OTUD7A: variants seen among roughly 807,000 people sequenced by gnomAD.
The protein encoded by OTUD7A is OTU domain-containing protein 7A.
In OTUD7A, 12 loss-of-function variants were observed where a neutral mutation model predicts 65.7. The observed-to-expected ratio is 0.18, with a 90% confidence interval of 0.12 to 0.30. OTUD7A has a LOEUF of 0.30. Among genes scored for constraint, OTUD7A ranks in the 10% least tolerant of loss-of-function variants. The probability of loss-of-function intolerance (pLI) is 1.00; values close to 1 mark genes in which losing one functional copy is unlikely to be tolerated. For synonymous variants in OTUD7A, 641 were observed against 586.3 expected, an observed-to-expected ratio of 1.09 and a Z score of -1.35; for missense variants, 1,148 against 1,304.8, an observed-to-expected ratio of 0.88 and a Z score of 1.85.
At chr15:31,853,365 A>C (rs549515593) in intron 1 of OTUD7A, among the ~76,000 whole-genome samples, 1 of 152,356 alleles carries the variant, frequency 6.6e-6, no homozygotes, top group South Asian at 2.1e-4. Flanking sequence ...TGAAAAAGGA[A>C]AGGGAGAGAG....
chr15:31,533,234 A>ATTT (rs71110888), intron 5 of OTUD7A, among the ~76,000 whole-genome samples: 6 of 135,856 alleles, frequency 4.4e-5, no homozygotes, highest in Non-Finnish European at 7.9e-5. Flanking sequence ...AGCAGGATAA[A>ATTT]TTTTTTTTTT....
chr15:31,645,198 G>C (rs1239745074), intron 3 of OTUD7A, among the ~76,000 whole-genome samples: 1 of 152,220 alleles, frequency 6.6e-6, no homozygotes, highest in African/African-American at 2.4e-5. Flanking sequence ...AAGGCAGTGA[G>C]CTGGGCAATT....
chr15:31,787,987 T>G (rs1567023054), intron 1 of OTUD7A, among the ~76,000 whole-genome samples: 2 of 152,230 alleles, frequency 1.3e-5, no homozygotes. Flanking sequence ...AATTATCTTG[T>G]AGTTGGCCAC....
At chr15:31,643,030 T>C (rs981980321) in intron 3 of OTUD7A, among the ~76,000 whole-genome samples, 11 of 152,322 alleles carry the variant, frequency 7.2e-5, no homozygotes, top group East Asian at 3.9e-4. Flanking sequence ...CATTTTCTTA[T>C]AGGTACTGTT....
At chr15:31,555,517 CTG>C (rs2141152881) in intron 5 of OTUD7A, among the ~76,000 whole-genome samples, 1 of 152,318 alleles carries the variant, frequency 6.6e-6, no homozygotes, top group South Asian at 2.1e-4. Context: ...GAAAAGTGGA[CTG>C]TGACAGTGGG....
intron 5 of OTUD7A, among the ~76,000 whole-genome samples, chr15:31,547,988 C>T (rs1888186883): frequency 6.6e-6 from 1 of 152,230 alleles, no homozygotes; most frequent in South Asian, 2.1e-4. Flanking sequence ...CTCAGCTGTG[C>T]TGGAACTGCC....
In OTUD7A at chr15:31,535,758, C is replaced by G. The variant is rs926176685; in HGVS notation, c.551-4950G>C. On this transcript the variant is annotated intron_variant, in intron 5 of 12. Transcript: ENST00000307050. ...GTGGCGCGATCTTGGCTCACTGCAA[C>G]CTCCACCTCCTGGGTTCATGCCATT... 2.7e-5 allele frequency among the ~76,000 whole-genome samples: 4 copies of G among 150,332 alleles called. 1 individual carries two copies. The South Asian group carries it at 8.5e-4, about 32-fold the overall frequency.
At chr15:31,847,698 A>T (rs1897322598) in intron 1 of OTUD7A, among the ~76,000 whole-genome samples, 1 of 152,200 alleles carries the variant, frequency 6.6e-6, no homozygotes, top group African/African-American at 2.4e-5. Flanking sequence ...TAGTCCATTC[A>T]CGCACTGGTA....
chr15:31,663,498 T>C (rs181491600), intron 1 of OTUD7A, among the ~76,000 whole-genome samples: 130 of 141,860 alleles, frequency 9.2e-4, no homozygotes, highest in African/African-American at 3.3e-3. Flanking sequence ...TGTGTTCTCA[T>C]TGTTCAGCTC....
intron 1 of OTUD7A, among the ~76,000 whole-genome samples, chr15:31,765,186 G>A (rs955267139): frequency 7.9e-5 from 12 of 151,582 alleles, no homozygotes; most frequent in African/African-American, 2.9e-4. Flanking sequence ...TAATATTTAA[G>A]GCAAAACCAA....
At chr15:31,776,940 TATA>T (rs1259188475) in intron 1 of OTUD7A, among the ~76,000 whole-genome samples, 2 of 151,410 alleles carry the variant, frequency 1.3e-5, no homozygotes, top group African/African-American at 2.4e-5. Context: ...AAACTTAAAG[TATA>T]ATAATAATAA....
intron 12 of OTUD7A, among the ~76,000 whole-genome samples, chr15:31,486,861 G>T (rs146999419): frequency 6.6e-6 from 1 of 152,256 alleles, no homozygotes; most frequent in South Asian, 2.1e-4. Context: ...CTGAGTGGGC[G>T]TGTTGATTCC....
intron 1 of OTUD7A, among the ~76,000 whole-genome samples, chr15:31,667,043 C>T (rs1486536398): frequency 1.3e-5 from 2 of 152,076 alleles, no homozygotes; most frequent in Non-Finnish European, 2.9e-5. Context: ...CATTTTGAGG[C>T]CTATCATATG....
chr15:31,821,861 T>C (rs1308580820), intron 1 of OTUD7A, among the ~76,000 whole-genome samples: 1 of 152,248 alleles, frequency 6.6e-6, no homozygotes, highest in Non-Finnish European at 1.5e-5. Context: ...TTGTAATGAC[T>C]GATGATGTTG....
chr15:31,665,972 A>G (rs1354866340), intron 1 of OTUD7A, among the ~76,000 whole-genome samples: 1 of 150,516 alleles, frequency 6.6e-6, no homozygotes, highest in Non-Finnish European at 1.5e-5. Flanking sequence ...TGACTTGCGT[A>G]TGTGAAATCA....
intron 5 of OTUD7A, among the ~76,000 whole-genome samples, chr15:31,546,436 C>T (rs139274123): frequency 4.7e-4 from 71 of 152,298 alleles, no homozygotes; most frequent in African/African-American, 1.6e-3. Context: ...GGGTGGGGCC[C>T]TGATCTCCCA....
intron 1 of OTUD7A, among the ~76,000 whole-genome samples, chr15:31,816,117 T>A (rs960721816): frequency 1.6e-4 from 25 of 152,190 alleles, no homozygotes; most frequent in African/African-American, 5.3e-4. Context: ...AGGATGCTGC[T>A]TTGAGGGCTC....
At chr15:31,564,814 G>A (rs4779894) in intron 4 of OTUD7A, among the ~76,000 whole-genome samples, 25,865 of 151,998 alleles carry the variant, frequency 0.17, 2,386 homozygotes, top group East Asian at 0.24. Flanking sequence ...GAAAGGATAT[G>A]GAAAAGTTGA....
At chr15:31,582,820 G>T (rs1889412636) in intron 3 of OTUD7A, among the ~76,000 whole-genome samples, 1 of 152,186 alleles carries the variant, frequency 6.6e-6, no homozygotes, top group Admixed American at 6.5e-5. Context: ...TGAGGATGAA[G>T]AAGTGGAGGG....
Sources: gnomAD v4.1 joint callset for allele counts (sites outside exome capture counted in the v4.1 genomes callset) on GRCh38, gnomAD v4.1.1 for gene constraint, MANE v1.5 for transcripts, NCBI Gene and HGNC (gene_info 2026-07-23, HGNC 2026-07-21) for gene names.